The following PRKCH variants were observed in gnomAD, a reference collection of about 807,000 sequenced individuals.
PRKCH encodes the protein protein kinase C eta.
In PRKCH, 28 loss-of-function variants were observed where a neutral mutation model predicts 82.5. The observed-to-expected ratio is 0.34, with a 90% CI of 0.25 to 0.47. The LOEUF (loss-of-function observed/expected upper bound fraction) is 0.47. Among genes scored for constraint, PRKCH ranks in the 20% least tolerant of loss-of-function variants. The pLI, the probability that PRKCH is intolerant of heterozygous loss-of-function variation, is 1.00. For synonymous variants in PRKCH, 322 were observed against 327.4 expected (o/e 0.98, Z 0.18); for missense variants, 705 against 881.8 (o/e 0.80, Z 2.54).
At chr14:61,478,037 C>T (rs539843189) in intron 9 of PRKCH, among the ~76,000 whole-genome samples, 1 of 152,218 alleles carries the variant, frequency 6.6e-6, no homozygotes, top group Non-Finnish European at 1.5e-5. Flanking sequence ...AGGGGCCTTC[C>T]TATGCCTCAT....
rs1311392435 is a variant in PRKCH, at chr14:61,322,078, C to T, written c.-24C>T. The T allele has an allele frequency of 1.3e-6, 2 of 1,518,504 alleles. No homozygotes were observed. Among genetic ancestry groups the T allele is most frequent in the Non-Finnish European group, 1.8e-6 (2 of 1,127,126 alleles). 94.1% of individuals were successfully genotyped at this position (1,518,504 alleles called of 1,614,324 possible). On this transcript the variant is annotated 5_prime_UTR_variant, in exon 1 of 14. Transcript: ENST00000332981. Reference sequence around the variant, plus strand: ...CCCGCTGCGAAGCAGCGCGGCCCCCCGGGGCCGGGGCAGCGGCGCCGGCAT... The same window carrying T: ...CCCGCTGCGAAGCAGCGCGGCCCCCTGGGGCCGGGGCAGCGGCGCCGGCAT...
chr14:61,548,033 A>G (rs968599628), intron 13 of PRKCH, 147 bp downstream of exon 13: 1 of 1,023,172 alleles, frequency 9.8e-7, no homozygotes. Flanking sequence ...CCCTGGGGGG[A>G]ATCTGGGCTC....
In PRKCH at chr14:61,230,192, G is replaced by A. The variant is rs572687816; in HGVS notation, c.-19+42524G>A. ...TCAGCTTAAACCTTAGAGGCTGTGT[G>A]GGTGCTGGCCAAAGCCTCCTGCTTC... On this transcript the variant is annotated intron_variant, in intron 1 of 3. Coordinates refer to the PRKCH transcript ENST00000555185. Among the ~76,000 whole-genome samples the A allele has an allele frequency of 9.7e-4, 148 of 152,232 alleles. 1 individual carries two copies. Among genetic ancestry groups the A allele is most frequent in the Non-Finnish European group, 1.8e-3 (125 of 68,004 alleles).
intron 1 of PRKCH, among the ~76,000 whole-genome samples, chr14:61,210,790 C>CTCTCTCTCTCTCTGTG (rs1351869252): frequency 7.2e-6 from 1 of 138,986 alleles, no homozygotes; most frequent in Non-Finnish European, 1.5e-5. Context: ...CTCTCTCTCT[C>CTCTCTCTCTCTCTGTG]TGTGTGTGTG....
chr14:61,498,301 C>T (rs1050919210), intron 10 of PRKCH, among the ~76,000 whole-genome samples: 3 of 152,178 alleles, frequency 2.0e-5, no homozygotes, highest in Non-Finnish European at 4.4e-5. Flanking sequence ...GCATGAGCCA[C>T]CGCACCTGGG....
chr14:61,322,448 A>G lies in PRKCH; in HGVS notation c.347A>G (p.Asp116Gly), dbSNP rs951958309. Reference sequence around the variant, plus strand: ...CTGCTGCGCACGACCGGCGCCTCGGACACCTTCGAGGGTTGGGTGAGTAGC... The same window carrying G: ...CTGCTGCGCACGACCGGCGCCTCGGGCACCTTCGAGGGTTGGGTGAGTAGC... ...QELLRTTGASDTFEGWVDLEP... is the reference protein window; with the variant it reads ...QELLRTTGASGTFEGWVDLEP... The change falls in exon 1 of 14, where the codon GAC becomes GGC. Residue 116 changes from aspartate to glycine, a missense_variant. Coordinates refer to ENST00000332981, the MANE Select transcript of PRKCH (RefSeq NM_006255.5). 4.8e-5 allele frequency: 77 copies of G among 1,596,666 alleles called. No individual in the cohort carries two copies. The highest frequency in any genetic ancestry group is 6.3e-5 in the Non-Finnish European group (73 of 1,166,352).
intron 1 of PRKCH, among the ~76,000 whole-genome samples, chr14:61,357,601 C>T (rs1009906423): frequency 6.6e-5 from 10 of 152,178 alleles, no homozygotes; most frequent in Admixed American, 6.5e-5. Context: ...TTGTGCTTCT[C>T]GTACCTACTA....
At chr14:61,390,944 C>T (rs1303940829) in intron 1 of PRKCH, 4 of 297,428 alleles carry the variant, frequency 1.3e-5, no homozygotes. Flanking sequence ...AAAACAATTA[C>T]CAAGTATGTG....
chr14:61,442,769 TA>T (rs879930010), intron 2 of PRKCH: 113 of 157,610 alleles, frequency 7.2e-4, no homozygotes, highest in Middle Eastern at 3.2e-3. Flanking sequence ...CCATCTCTAT[TA>T]AAAAAAAATT....
intron 1 of PRKCH, among the ~76,000 whole-genome samples, chr14:61,301,200 C>T (rs913021868): frequency 2.0e-5 from 3 of 152,166 alleles, no homozygotes; most frequent in South Asian, 2.1e-4. Flanking sequence ...TTACCCCAGA[C>T]AATGACTCTA....
At chr14:61,272,356 T>C (rs1389000243) in intron 1 of PRKCH, among the ~76,000 whole-genome samples, 9 of 132,884 alleles carry the variant, frequency 6.8e-5, no homozygotes, top group South Asian at 5.1e-4. Flanking sequence ...TTTTTTTTTT[T>C]TTTTTTTTTT....
At chr14:61,317,002 TA>T (rs1469222469), upstream of PRKCH, among the ~76,000 whole-genome samples, 1 of 152,190 alleles carries the variant, frequency 6.6e-6, no homozygotes, top group Non-Finnish European at 1.5e-5. Context: ...GCTTGACAAT[TA>T]CCACGGTAGC....
At chr14:61,422,974 C>T (rs1882933947) in intron 2 of PRKCH, among the ~76,000 whole-genome samples, 1 of 152,132 alleles carries the variant, frequency 6.6e-6, no homozygotes, top group Non-Finnish European at 1.5e-5. Context: ...ATCCATATTT[C>T]TTAAGAATGT....
At chr14:61,514,723 T>G (rs2042797870) in intron 10 of PRKCH, among the ~76,000 whole-genome samples, 2 of 152,266 alleles carry the variant, frequency 1.3e-5, no homozygotes, top group Non-Finnish European at 2.9e-5. Context: ...GGCCTGGTAT[T>G]TGCAAAGCAC....
At chr14:61,311,788 T>A (rs139036354) in intron 1 of PRKCH, among the ~76,000 whole-genome samples, 23 of 152,360 alleles carry the variant, frequency 1.5e-4, no homozygotes, top group Admixed American at 1.5e-3. Context: ...GTAAATGTAA[T>A]TGTGTTTACC....
intron 13 of PRKCH, 43 bp downstream of exon 13, chr14:61,547,929 T>C (rs112041282): frequency 4.4e-6 from 7 of 1,596,848 alleles, no homozygotes; most frequent in Non-Finnish European, 5.1e-6. Flanking sequence ...TTTCTTCAGA[T>C]GTCACAGCAT....
intron 1 of PRKCH, among the ~76,000 whole-genome samples, chr14:61,268,865 A>G (rs1232898677): frequency 6.6e-6 from 1 of 152,248 alleles, no homozygotes; most frequent in Non-Finnish European, 1.5e-5. Context: ...TTTCTGCTCC[A>G]GAAAGAAGTG....
intron 1 of PRKCH, among the ~76,000 whole-genome samples, chr14:61,272,559 G>C (rs910694348): frequency 1.3e-4 from 19 of 151,452 alleles, no homozygotes; most frequent in African/African-American, 4.1e-4. Flanking sequence ...TCACCATGTC[G>C]GCCAGGCTGG....
chr14:61,265,310 G>A (rs2045088450), intron 1 of PRKCH, among the ~76,000 whole-genome samples: 1 of 151,992 alleles, frequency 6.6e-6, no homozygotes, highest in Non-Finnish European at 1.5e-5. Context: ...CTGAAACCCT[G>A]TCTCTACAAA....
Sources: gnomAD v4.1 joint callset for allele counts (sites outside exome capture counted in the v4.1 genomes callset) on GRCh38, gnomAD v4.1.1 for gene constraint, MANE v1.5 for transcripts, NCBI Gene and HGNC (gene_info 2026-07-23, HGNC 2026-07-21) for gene names.